CELF5: variants seen among roughly 807,000 people sequenced by gnomAD.
CELF5 encodes CUG-BP and ETR-3 like factor 5.
In CELF5, 6 loss-of-function variants were observed where a neutral mutation model predicts 54.9. That is an observed-to-expected ratio of 0.11 (90% CI 0.06 to 0.22). CELF5 has a LOEUF of 0.22. Among genes scored for constraint, CELF5 ranks in the 10% least tolerant of loss-of-function variants. The pLI is 1.00. For missense variants in CELF5, 401 were observed against 678.6 expected (o/e 0.59, Z 4.54); for synonymous variants, 271 against 290.9 (o/e 0.93, Z 0.70).
At chr19:3,265,926 C>T (rs192606531) in intron 2 of CELF5, among the ~76,000 whole-genome samples, 3 of 152,208 alleles carry the variant, frequency 2.0e-5, no homozygotes, top group African/African-American at 4.8e-5. Context: ...CTTGCCTCAG[C>T]CTCCCGAGTA....
chr19:3,285,029 A>AGGGCCCCGCCCCCC, intron 9 of CELF5, 65 bp downstream of exon 9: 3 of 1,118,982 alleles, frequency 2.7e-6, no homozygotes, highest in Non-Finnish European at 3.8e-6. Context: ...CCCCGCCCCC[A>AGGGCCCCGCCCCCC]GGGCCCGCCC....
At chr19:3,240,114 T>G (rs2079471081) in intron 1 of CELF5, among the ~76,000 whole-genome samples, 1 of 150,706 alleles carries the variant, frequency 6.6e-6, no homozygotes, top group Non-Finnish European at 1.5e-5. Flanking sequence ...GTTCAAGTGA[T>G]TCTCCTGCCT....
At position 3,289,681 on chromosome 19, in the gene CELF5, C is replaced by CAAAAAAAAAAAAAAAA. The variant is rs35144942; in HGVS notation, c.1187-531_1187-516dup. Among the ~76,000 whole-genome samples the CAAAAAAAAAAAAAAAA allele has an allele frequency of 3.6e-4, 17 of 47,136 alleles. 1 individual carries two copies. The highest frequency in any genetic ancestry group is 1.0e-3 in the African/African-American group (10 of 10,010). The allele number at this position is 47,136 out of a possible 152,430, so 30.9% of individuals were successfully genotyped here. The stretch of plus-strand genomic sequence containing the variant: ...TGGGCGACAGAGCGAGACTCCATCT[C>CAAAAAAAAAAAAAAAA]AAAAAAAAAAAAAAAAAAAAAAAAA... On this transcript the variant is annotated intron_variant, in intron 10 of 12. Coordinates refer to ENST00000292672, the MANE Select transcript of CELF5 (RefSeq NM_021938.4).
chr19:3,247,459 G>C (rs143970747), intron 1 of CELF5, among the ~76,000 whole-genome samples: 12,354 of 151,304 alleles, frequency 0.082, 596 homozygotes, highest in Middle Eastern at 0.17. Flanking sequence ...ATGGGTTTTC[G>C]CCATGTTGCC....
Position 3,262,178 on chromosome 19 carries a change from G to A in CELF5, c.342+11111G>A, listed in dbSNP as rs1392572031. ...GTCTCCCGAGTAGCTGGGATTACAG[G>A]CACGCACGCCCAGCTAATTTTTGTA... On this transcript the variant is annotated intron_variant, in intron 2 of 12. Coordinates refer to ENST00000292672, the MANE Select transcript of CELF5 (RefSeq NM_021938.4). Among the ~76,000 whole-genome samples, 8 of 152,056 alleles carry A rather than the reference G, an allele frequency of 5.3e-5. No individual in the cohort carries two copies. In the South Asian group the frequency reaches 1.5e-3, roughly 28 times the overall value.
chr19:3,276,274 T>C (rs12980036), intron 4 of CELF5, among the ~76,000 whole-genome samples: 4 of 81,430 alleles, frequency 4.9e-5, no homozygotes, highest in South Asian at 5.3e-4. Context: ...TGGGGAGGGG[T>C]GGGGCTTCTC....
chr19:3,225,438 G>T (rs984423929), intron 1 of CELF5: 6 of 626,798 alleles, frequency 9.6e-6, no homozygotes, highest in Non-Finnish European at 1.2e-5. Context: ...TTTGCCAGGG[G>T]AGCCTCGGGA....
At chr19:3,240,430 T>G (rs760370251) in intron 1 of CELF5, among the ~76,000 whole-genome samples, 8 of 150,654 alleles carry the variant, frequency 5.3e-5, no homozygotes, top group Non-Finnish European at 1.2e-4. Context: ...GGTTCAAGAG[T>G]CATTCTTGTG....
chr19:3,254,870 T>C (rs1440222744), intron 2 of CELF5, among the ~76,000 whole-genome samples: 1 of 151,512 alleles, frequency 6.6e-6, no homozygotes, highest in African/African-American at 2.4e-5. Context: ...CCCACTTGTC[T>C]ATCCATTCAT....
intron 2 of CELF5, among the ~76,000 whole-genome samples, chr19:3,271,319 CCTG>C (rs2079960497): frequency 6.6e-6 from 1 of 152,080 alleles, no homozygotes; most frequent in South Asian, 2.1e-4. Context: ...CATCTCCCCT[CCTG>C]CCTCCAGCCT....
At chr19:3,248,905 C>CCTTCCTTTCTTT (rs1491140762) in intron 1 of CELF5, among the ~76,000 whole-genome samples, 49 of 94,228 alleles carry the variant, frequency 5.2e-4, no homozygotes, top group East Asian at 1.6e-3. Context: ...TTCCTTCCTT[C>CCTTCCTTTCTTT]CTTTCTTTCT....
Position 3,282,268 on chromosome 19 carries a change from G to A in CELF5, c.892+1G>A. The A allele has an allele frequency of 6.2e-7, 1 of 1,611,916 alleles. No homozygotes were observed. Among genetic ancestry groups the A allele is most frequent in the South Asian group, 1.1e-5 (1 of 91,076 alleles). On this transcript the variant is annotated splice_donor_variant, in intron 7 of 12. Transcript: ENST00000292672. LOFTEE classifies it high-confidence loss of function. The surrounding 1 kb of genome is among the most constrained non-coding windows in gnomAD (Gnocchi z 5.2). The stretch of plus-strand genomic sequence containing the variant: ...GCCACACCCATCGCTCCTGCCTCTG[G>A]TGAGCCTCCTCCAGGCACCCAAGGA...
At chr19:3,241,172 C>G (rs777806052) in intron 1 of CELF5, among the ~76,000 whole-genome samples, 2 of 151,372 alleles carry the variant, frequency 1.3e-5, no homozygotes, top group Non-Finnish European at 2.9e-5. Context: ...AGCAGTTCTT[C>G]TGCCTCAGGC....
intron 11 of CELF5, among the ~76,000 whole-genome samples, chr19:3,291,106 C>CA (rs141093284): frequency 0.27 from 40,670 of 148,186 alleles, 6,351 homozygotes; most frequent in Middle Eastern, 0.37. Context: ...ACAAAAAATA[C>CA]AAAAAAAAAA....
chr19:3,295,247 A>T (rs2080416639), intron 12 of CELF5: 1 of 147,482 alleles, frequency 6.8e-6, no homozygotes, highest in Non-Finnish European at 1.5e-5. Context: ...AGGCTCCTGA[A>T]TCGTGGGCAG....
intron 8 of CELF5, among the ~76,000 whole-genome samples, chr19:3,283,071 T>G (rs1340566620): frequency 6.6e-6 from 1 of 152,192 alleles, no homozygotes; most frequent in East Asian, 1.9e-4. Flanking sequence ...CCTCAGGTGA[T>G]TCACCTACTG....
At position 3,256,654 on chromosome 19, in the gene CELF5, C is replaced by T. The variant is rs1444681959; in HGVS notation, c.342+5587C>T. ...CGCGATCTCGGCTCACTGCAACCTCCGCCTCCTGGGTTCAAGCGATTCTCC... is the reference window on the plus strand; with the variant it reads ...CGCGATCTCGGCTCACTGCAACCTCTGCCTCCTGGGTTCAAGCGATTCTCC... On this transcript the variant is annotated intron_variant, in intron 2 of 12. Transcript: ENST00000292672. 6.8e-5 allele frequency among the ~76,000 whole-genome samples: 10 copies of T among 147,810 alleles called. No homozygotes were observed. In the South Asian group the frequency reaches 8.7e-4, roughly 13 times the overall value.
At chr19:3,225,022 CT>C (rs747662932) in intron 1 of CELF5, 24 bp downstream of exon 1, 59 of 1,422,298 alleles carry the variant, frequency 4.1e-5, no homozygotes, top group South Asian at 8.0e-5. Flanking sequence ...CCCCTCCCCC[CT>C]CTCCCCCTCC....
At chr19:3,274,889 G>C (rs2080022206) in intron 3 of CELF5, among the ~76,000 whole-genome samples, 1 of 151,874 alleles carries the variant, frequency 6.6e-6, no homozygotes, top group African/African-American at 2.4e-5. Context: ...CTCCATTTTT[G>C]TCTCTATTTC....
Sources: gnomAD v4.1 joint callset for allele counts (sites outside exome capture counted in the v4.1 genomes callset) on GRCh38, gnomAD v4.1.1 for gene constraint, Gnocchi (gnomAD v3.1) non-coding constraint, MANE v1.5 for transcripts, NCBI Gene and HGNC (gene_info 2026-07-23, HGNC 2026-07-21) for gene names.